Variants in SRPX2 observed in about 807,000 individuals in gnomAD.
SRPX2 encodes the protein sushi repeat-containing protein SRPX2.
Under a neutral mutation model 45.3 loss-of-function variants are expected in SRPX2, and 26 were observed. The observed-to-expected ratio is 0.57, with a 90% confidence interval of 0.42 to 0.80. The LOEUF (loss-of-function observed/expected upper bound fraction) is 0.80. Ranked by LOEUF, SRPX2 falls within the 30% of genes least tolerant of loss-of-function variation. SRPX2 has a pLI of 0.00. For synonymous variants in SRPX2, 125 were observed against 143.7 expected, an observed-to-expected ratio of 0.87 and a Z score of 0.93; for missense variants, 355 against 399.8, an observed-to-expected ratio of 0.89 and a Z score of 0.95.
At chrX:100,656,924 TCTTC>T (rs1047999506) in intron 3 of SRPX2, among the ~76,000 whole-genome samples, 4 of 108,127 alleles carry the variant, frequency 3.7e-5, no homozygotes, top group Non-Finnish European at 5.8e-5. Context: ...CTCCTTCCTT[TCTTC>T]CTTCCTTCCT....
chrX:100,657,331 G>A (rs374431129), intron 3 of SRPX2, among the ~76,000 whole-genome samples: 2 of 59,355 alleles, frequency 3.4e-5, no homozygotes, highest in Non-Finnish European at 7.2e-5. Context: ...CATCCTGGCC[G>A]GCATCTGTTA....
At position 100,670,978 on chromosome X, in the gene SRPX2, A is replaced by T; in HGVS notation, c.1389A>T (p.Ile463=). ...CCCAGCGTCGGGAGCAAAGGGACAT[A>T]TGCGAGTGAACTTGAGCCAGGGCAT... The part of the protein sequence containing the change: ...ELTQRREQRD[I]CE Residue 463 remains isoleucine (I), a synonymous_variant, in exon 11 of 11, where the codon ATA becomes ATT. Transcript: ENST00000373004. The T allele has an allele frequency of 8.3e-7, 1 of 1,208,777 alleles. No homozygotes were observed.
At position 100,666,788 on chromosome X, in the gene SRPX2, C is replaced by A. The variant is rs151294854; in HGVS notation, c.816C>A (p.His272Gln). Reference sequence around the variant, plus strand: ...GCCCAACTCTGAAACCTCCGCAGCACGGCTACCTCACCTGCACCTCAGCGG... The same window carrying A: ...GCCCAACTCTGAAACCTCCGCAGCAAGGCTACCTCACCTGCACCTCAGCGG... ...RRCPTLKPPQ[H>Q]GYLTCTSAGD... Residue 272 changes from histidine to glutamine, a missense_variant, in exon 8 of 11, where the codon CAC becomes CAA. His to Gln is a conservative substitution (Grantham distance 24). Transcript: ENST00000373004. 1 of 1,210,948 alleles carries A rather than the reference C, an allele frequency of 8.3e-7. No homozygotes were observed. The highest frequency in any genetic ancestry group is 1.7e-5 in the African/African-American group (1 of 57,510).
chrX:100,656,137 A>C (rs1602719579), intron 3 of SRPX2, among the ~76,000 whole-genome samples: 1 of 110,727 alleles, frequency 9.0e-6, no homozygotes, highest in African/African-American at 3.3e-5. Context: ...CTGGGATTAC[A>C]GGGGTGAGCC....
At chrX:100,654,656 C>T (rs1016359813) in intron 3 of SRPX2, among the ~76,000 whole-genome samples, 1 of 111,540 alleles carries the variant, frequency 9.0e-6, no homozygotes, top group Non-Finnish European at 1.9e-5. Context: ...AACCAGGAAA[C>T]TAAGCTCAGG....
chrX:100,668,406 G>T (rs1390068056), intron 9 of SRPX2, among the ~76,000 whole-genome samples: 2 of 106,666 alleles, frequency 1.9e-5, no homozygotes, highest in Admixed American at 2.0e-4. Context: ...TTCATCTAGA[G>T]ATCCAAAAAG....
chrX:100,645,111 C>A (rs1198761179), intron 1 of SRPX2, among the ~76,000 whole-genome samples: 1 of 111,803 alleles, frequency 8.9e-6, no homozygotes, highest in Non-Finnish European at 1.9e-5. Context: ...TAGCAATGAA[C>A]TAAAAAATAC....
At chrX:100,661,873 A>C (rs2083188603) in intron 3 of SRPX2, among the ~76,000 whole-genome samples, 1 of 107,797 alleles carries the variant, frequency 9.3e-6, no homozygotes, top group Admixed American at 9.9e-5. Context: ...TGTTTTTTCA[A>C]GTCCATGATC....
intron 1 of SRPX2, among the ~76,000 whole-genome samples, chrX:100,644,893 A>G (rs1272673356): frequency 9.0e-6 from 1 of 111,322 alleles, no homozygotes; most frequent in Non-Finnish European, 1.9e-5. Context: ...TTAGTTATCT[A>G]ATGTTCACTT....
Position 100,673,680 on chromosome X carries a change from T to C in SRPX2, c.*2693T>C, listed in dbSNP as rs955773092. 2 of 111,665 alleles carry C rather than the reference T, an allele frequency of 1.8e-5. No individual in the cohort carries two copies. The highest frequency in any genetic ancestry group is 3.8e-5 in the Non-Finnish European group (2 of 53,202). 9.2% of individuals were successfully genotyped at this position (111,665 alleles called of 1,213,427 possible). A position where few individuals can be genotyped will look rare whatever the true frequency, so the allele number is the denominator to read the frequency against. On this transcript the variant is annotated 3_prime_UTR_variant, in exon 11 of 11. Transcript: ENST00000373004. ...TCTGATTGTCCTACTTTTTGTAAAT[T>C]GAACTTATTTAAGATATTTTAGAAG...
At chrX:100,651,040 C>T (rs1169005971) in intron 3 of SRPX2, 175 bp downstream of exon 3, 1 of 442,481 alleles carries the variant, frequency 2.3e-6, no homozygotes, top group South Asian at 3.3e-5. Context: ...TGTGACCTCA[C>T]CTCTCCAGCC....
At chrX:100,664,412 T>C (rs1356686130) in intron 4 of SRPX2, among the ~76,000 whole-genome samples, 1 of 111,406 alleles carries the variant, frequency 9.0e-6, no homozygotes. Flanking sequence ...TTTTTTACAG[T>C]TGACGAACAT....
In SRPX2 at chrX:100,669,129, T is replaced by C. The variant is rs113945055; in HGVS notation, c.1096-119T>C. The stretch of plus-strand genomic sequence containing the variant: ...ACCCCACAGTGTGATTGCGTGATCA[T>C]TGGGGGAGAAGGAGCTCCTTTCCCA... On this transcript the variant is annotated intron_variant, in intron 9 of 10. Transcript: ENST00000373004. 0.025 allele frequency: 23,783 copies of C among 961,985 alleles called. 705 individuals are homozygous for C. Among genetic ancestry groups the C allele is most frequent in the African/African-American group, 0.17 (8,875 of 52,017 alleles). The allele number at this position is 961,985 out of a possible 1,213,427, so 79.3% of individuals were successfully genotyped here.
chrX:100,646,082 GGACC>G (rs1462115365), intron 1 of SRPX2, 107 bp from the exon 2 acceptor site: 1 of 394,799 alleles, frequency 2.5e-6, no homozygotes, highest in Non-Finnish European at 4.4e-6. Context: ...GGAGGAAAAG[GGACC>G]ATAAATAACA....
intron 3 of SRPX2, among the ~76,000 whole-genome samples, chrX:100,656,854 T>C (rs2083170664): frequency 9.0e-6 from 1 of 111,519 alleles, no homozygotes; most frequent in African/African-American, 3.3e-5. Context: ...TGCTGAATCA[T>C]ACGGTAGTGC....
chrX:100,665,354 A>T lies in SRPX2; in HGVS notation c.644A>T (p.Asp215Val), dbSNP rs1268235358. The T allele has an allele frequency of 1.7e-6, 2 of 1,208,687 alleles. No homozygotes were observed. The highest frequency in any genetic ancestry group is 3.5e-5 in the African/African-American group (2 of 57,268). The change falls in exon 6 of 11, where the codon GAT becomes GTT. Residue 215 changes from aspartate to valine, a missense_variant. Physicochemically the swap from Asp to Val is radical, Grantham distance 152. Transcript: ENST00000373004. ...CCACCGTTGGTGAAAGATTCTGCTG[A>T]TGGTACCATCACCAGGTGAGCCTGA... ...WDPPLVKDSA[D>V]GTITRVTLRG...
intron 3 of SRPX2, among the ~76,000 whole-genome samples, chrX:100,659,631 T>C (rs2083180577): frequency 9.0e-6 from 1 of 111,626 alleles, no homozygotes; most frequent in Admixed American, 9.5e-5. Context: ...CATGTGTCAC[T>C]GCCACAGGCT....
At chrX:100,652,577 T>C (rs895901586) in intron 3 of SRPX2, among the ~76,000 whole-genome samples, 41 of 110,947 alleles carry the variant, frequency 3.7e-4, no homozygotes, top group Admixed American at 3.8e-4. Context: ...TAGGAAGATA[T>C]CTGGGCAGTA....
chrX:100,651,035 C>T, intron 3 of SRPX2, 170 bp downstream of exon 3: 1 of 446,774 alleles, frequency 2.2e-6, no homozygotes. Context: ...TACTGTGTGA[C>T]CTCACCTCTC....
Sources: allele counts gnomAD v4.1 joint callset (sites outside exome capture counted in the v4.1 genomes callset), GRCh38; gene constraint gnomAD v4.1.1; transcripts MANE v1.5; gene names NCBI Gene and HGNC (gene_info 2026-07-23, HGNC 2026-07-21).